ZNF385D: variants seen among roughly 807,000 people sequenced by gnomAD.
The protein encoded by ZNF385D is zinc finger protein 385D.
Under a neutral mutation model 35.8 loss-of-function variants are expected in ZNF385D, and 15 were observed. That is an observed-to-expected ratio of 0.42 (90% confidence interval 0.28 to 0.64). The LOEUF is 0.64. Ranked by LOEUF, ZNF385D falls within the 30% of genes least tolerant of loss-of-function variation. The pLI, the probability that ZNF385D is intolerant of heterozygous loss-of-function variation, is 0.23. For synonymous variants in ZNF385D, 212 were observed against 186.8 expected, an observed-to-expected ratio of 1.13 and a Z score of -1.10; for missense variants, 474 against 494.6, an observed-to-expected ratio of 0.96 and a Z score of 0.39.
chr3:21,658,589 A>G (rs1240105272), intron 2 of ZNF385D, among the ~76,000 whole-genome samples: 1 of 137,880 alleles, frequency 7.3e-6, no homozygotes, highest in African/African-American at 2.5e-5. Flanking sequence ...CTATCTACCT[A>G]TATATCTATC....
chr3:21,840,542 T>C (rs566903138), intron 3 of ZNF385D, among the ~76,000 whole-genome samples: 13 of 146,538 alleles, frequency 8.9e-5, no homozygotes, highest in African/African-American at 3.3e-4. Context: ...TTGTGCTTTA[T>C]GGGCAACTGG....
chr3:21,883,206 T>C (rs1341387419), intron 3 of ZNF385D, among the ~76,000 whole-genome samples: 1 of 151,916 alleles, frequency 6.6e-6, no homozygotes, highest in Non-Finnish European at 1.5e-5. Context: ...AGAGCTCAAT[T>C]TTTTTATTAT....
At chr3:22,041,784 T>C (rs1230274462) in intron 3 of ZNF385D, among the ~76,000 whole-genome samples, 4 of 152,090 alleles carry the variant, frequency 2.6e-5, no homozygotes, top group African/African-American at 9.7e-5. Context: ...TTGAGATTTA[T>C]AAATGTGCTT....
intron 4 of ZNF385D, among the ~76,000 whole-genome samples, chr3:21,466,571 C>A (rs935497080): frequency 2.6e-5 from 4 of 152,240 alleles, no homozygotes; most frequent in Admixed American, 2.6e-4. Context: ...ACATTCAACA[C>A]CTGTATCTCA....
At chr3:21,816,165 T>C (rs1028537965) in intron 3 of ZNF385D, among the ~76,000 whole-genome samples, 5 of 152,162 alleles carry the variant, frequency 3.3e-5, no homozygotes, top group Admixed American at 2.6e-4. Flanking sequence ...AACTAGGTAT[T>C]GATGGGACGT....
At chr3:22,056,350 G>A (rs546447535) in intron 3 of ZNF385D, among the ~76,000 whole-genome samples, 69 of 148,950 alleles carry the variant, frequency 4.6e-4, no homozygotes, top group Admixed American at 1.3e-3. Context: ...GTAAGAATGG[G>A]ATAAAATATA....
intron 2 of ZNF385D, among the ~76,000 whole-genome samples, chr3:22,349,690 T>A (rs1216045964): frequency 6.6e-6 from 1 of 152,182 alleles, no homozygotes; most frequent in Non-Finnish European, 1.5e-5. Context: ...AGATAATAAA[T>A]GCACTGGACC....
chr3:22,225,633 C>T (rs1245972954), intron 2 of ZNF385D, among the ~76,000 whole-genome samples: 3 of 152,150 alleles, frequency 2.0e-5, no homozygotes, highest in African/African-American at 7.2e-5. Context: ...CATTATAACA[C>T]ATCCTAAAGG....
chr3:21,988,863 C>G (rs181519229), intron 3 of ZNF385D, among the ~76,000 whole-genome samples: 3,699 of 137,888 alleles, frequency 0.027, 70 homozygotes, highest in Non-Finnish European at 0.03. Context: ...GTGGGATATA[C>G]TCTCGTGGTG....
intron 5 of ZNF385D, among the ~76,000 whole-genome samples, chr3:21,427,639 G>A (rs1375022396): frequency 1.3e-5 from 2 of 152,074 alleles, no homozygotes; most frequent in African/African-American, 4.8e-5. Context: ...GCAATAGCAG[G>A]CAAAGATTCA....
At chr3:21,939,794 A>G (rs986137220) in intron 3 of ZNF385D, among the ~76,000 whole-genome samples, 1 of 152,208 alleles carries the variant, frequency 6.6e-6, no homozygotes. Context: ...ACTTTGGAAA[A>G]GGAATGGAAA....
At chr3:22,341,485 C>T (rs1695417476) in intron 2 of ZNF385D, among the ~76,000 whole-genome samples, 1 of 152,174 alleles carries the variant, frequency 6.6e-6, no homozygotes, top group Admixed American at 6.5e-5. Context: ...ACCTCCTTCT[C>T]CATATATTCT....
intron 2 of ZNF385D, among the ~76,000 whole-genome samples, chr3:21,628,959 C>G (rs1382077887): frequency 6.6e-6 from 1 of 152,038 alleles, no homozygotes; most frequent in African/African-American, 2.4e-5. Context: ...TACATTTTGC[C>G]TGGGAAATGA....
At chr3:22,129,107 C>A (rs777537347) in intron 3 of ZNF385D, among the ~76,000 whole-genome samples, 1 of 152,132 alleles carries the variant, frequency 6.6e-6, no homozygotes, top group Non-Finnish European at 1.5e-5. Flanking sequence ...CCTTGGTGGT[C>A]TTGGGTAAGA....
chr3:22,316,826 C>A (rs1422256120), intron 2 of ZNF385D, among the ~76,000 whole-genome samples: 2 of 152,138 alleles, frequency 1.3e-5, no homozygotes, highest in Admixed American at 6.5e-5. Flanking sequence ...GAAAGTGATA[C>A]CCCAAAGACT....
chr3:22,223,961 C>T lies in ZNF385D; in HGVS notation c.107-54926G>A, dbSNP rs187654189. On this transcript the variant is annotated intron_variant, in intron 2 of 5. Transcript: ENST00000494108. ...TATTTTATTCACCATCATACATGGC[C>T]TATTTCCAGCATTTGGTGCCTGGTT... 1.5e-3 allele frequency among the ~76,000 whole-genome samples: 231 copies of T among 152,224 alleles called. 1 individual carries two copies. The highest frequency in any genetic ancestry group is 2.8e-3 in the Non-Finnish European group (191 of 68,010).
At chr3:21,612,251 A>T (rs2064705075) in intron 2 of ZNF385D, among the ~76,000 whole-genome samples, 1 of 151,730 alleles carries the variant, frequency 6.6e-6, no homozygotes, top group African/African-American at 2.4e-5. Context: ...TGCCCCGCTA[A>T]TTTTTTTTAT....
chr3:21,965,733 A>T (rs1702877484), intron 3 of ZNF385D, among the ~76,000 whole-genome samples: 1 of 152,236 alleles, frequency 6.6e-6, no homozygotes, highest in Admixed American at 6.5e-5. Context: ...TGATGTTGAT[A>T]ACTTCTGTGG....
chr3:21,882,421 TAAA>T (rs5847149), intron 3 of ZNF385D, among the ~76,000 whole-genome samples: 86,855 of 151,490 alleles, frequency 0.57, 25,074 homozygotes, highest in South Asian at 0.71. Flanking sequence ...AATTGAGATA[TAAA>T]ACATTGTTGT....
Sources: allele counts gnomAD v4.1 joint callset (sites outside exome capture counted in the v4.1 genomes callset), GRCh38; gene constraint gnomAD v4.1.1; transcripts MANE v1.5; gene names NCBI Gene and HGNC (gene_info 2026-07-23, HGNC 2026-07-21).